Variants in PPIH observed in about 807,000 individuals in gnomAD.
The protein encoded by PPIH is peptidylprolyl isomerase H, also known as peptidyl-prolyl cis-trans isomerase H.
A neutral mutation model predicts 27.6 loss-of-function variants in PPIH; 16 were observed. The ratio of observed to expected loss-of-function variants is 0.58; its 90% CI spans 0.39 to 0.88. The LOEUF is 0.88. PPIH is among the 40% of genes least tolerant of loss of function. The pLI is 0.00. For synonymous variants in PPIH, 63 were observed against 76.1 expected, an observed-to-expected ratio of 0.83 and a Z score of 0.90; for missense variants, 155 against 224.1, an observed-to-expected ratio of 0.69 and a Z score of 1.97.
downstream of PPIH, chr1:42,678,797 A>T (rs182463346): frequency 2.0e-5 from 3 of 152,400 alleles, no homozygotes; most frequent in East Asian, 5.8e-4. Flanking sequence ...TATTTGTTGC[A>T]TGAATGATAG....
rs765805450 is a variant in PPIH, at chr1:42,666,069, T to G, written c.424+2T>G. On this transcript the variant is annotated splice_donor_variant, in intron 7 of 9. Transcript: ENST00000304979. LOFTEE classifies it high-confidence loss of function. ...TGGATGGGAAGCATGTGGTGTTTGG[T>G]AAGTCCTACTCCTGTCTCATGGTCC... 1 of 1,613,660 alleles carries G rather than the reference T, an allele frequency of 6.2e-7. No individual in the cohort carries two copies. Among genetic ancestry groups the G allele is most frequent in the Admixed American group, 1.7e-5 (1 of 60,020 alleles).
At position 42,660,885 on chromosome 1, in the gene PPIH, A is replaced by G; in HGVS notation, c.224A>G (p.Gln75Arg). 1 of 1,610,610 alleles carries G rather than the reference A, an allele frequency of 6.2e-7. No individual in the cohort carries two copies. Among genetic ancestry groups the G allele is most frequent in the Non-Finnish European group, 8.5e-7 (1 of 1,177,766 alleles). The change falls in exon 5 of 10, where the codon CAG becomes CGG. Residue 75 changes from glutamine to arginine, a missense_variant. This residue lies in a region of PPIH where 96 missense variants were observed against 175.3 expected (regional missense o/e 0.55). Transcript: ENST00000304979. Reference sequence around the variant, plus strand: ...AGGGTCATAAAGGATTTCATGATTCAGGGTGGAGATTTTGTTAATGTAAGT... The same window carrying G: ...AGGGTCATAAAGGATTTCATGATTCGGGGTGGAGATTTTGTTAATGTAAGT... The part of the protein sequence containing the change: ...FHRVIKDFMI[Q>R]GGDFVNGDGT...
intron 5 of PPIH, among the ~76,000 whole-genome samples, chr1:42,662,582 C>A (rs1649099762): frequency 6.6e-6 from 1 of 151,704 alleles, no homozygotes; most frequent in Non-Finnish European, 1.5e-5. Context: ...TTGCTTAGAA[C>A]CTTCCTTGGG....
In PPIH at chr1:42,667,333, T is replaced by C. The variant is rs376358058; in HGVS notation, c.466-18T>C. 89 of 1,576,260 alleles carry C rather than the reference T, an allele frequency of 5.6e-5. No homozygotes were observed. Among genetic ancestry groups the C allele is most frequent in the Middle Eastern group, 5.0e-4 (3 of 6,008 alleles). ...AAGTGCCTGAGTGGATGAATCTCCA[T>C]TGTGCTTTTTTTCCTAGAATGTTCC... On this transcript the variant is annotated intron_variant, in intron 8 of 9. Transcript: ENST00000304979.
chr1:42,667,253 G>A (rs2148718177), intron 8 of PPIH, 98 bp from the exon 9 acceptor site: 1 of 1,069,102 alleles, frequency 9.4e-7, no homozygotes, highest in East Asian at 2.5e-5. Flanking sequence ...TCTGAGTGCT[G>A]AGTCCTTAGC....
At chr1:42,671,466 G>A (rs1279970576) in intron 9 of PPIH, among the ~76,000 whole-genome samples, 1 of 152,112 alleles carries the variant, frequency 6.6e-6, no homozygotes, top group Non-Finnish European at 1.5e-5. Context: ...TAAATGTAAA[G>A]AGCCAGTTGT....
intron 9 of PPIH, among the ~76,000 whole-genome samples, chr1:42,668,223 C>A (rs1649446616): frequency 6.6e-6 from 1 of 151,902 alleles, no homozygotes; most frequent in African/African-American, 2.4e-5. Flanking sequence ...GAAGATAATA[C>A]CTTGAACACC....
chr1:42,674,961 G>A (rs989131427), intron 9 of PPIH, among the ~76,000 whole-genome samples: 2 of 152,162 alleles, frequency 1.3e-5, no homozygotes, highest in Admixed American at 6.5e-5. Context: ...CACACGTAGA[G>A]GTTCCATTCT....
rs1421209457 is a variant in PPIH, at chr1:42,659,533, T to C, written c.167T>C (p.Val56Ala). The change falls in exon 4 of 10, where the codon GTT (valine) becomes GCT (alanine). Residue 56 changes from valine to alanine, a missense_variant. By Grantham distance (64) the Val-to-Ala change is moderately conservative. Around this residue, in one of 2 missense-constraint regions of PPIH, gnomAD observed 96 missense variants for 175.3 expected, o/e 0.55. Coordinates refer to ENST00000304979, the MANE Select transcript of PPIH (RefSeq NM_006347.4). ...CTTTTCGGTTATAGGAAAGATGGGG[T>C]TCCAATAGGATACAAAGGAAGCACC... ...FCTGEFRKDG[V>A]PIGYKGSTFH... 6.2e-7 allele frequency: 1 copy of C among 1,614,156 alleles called. No individual in the cohort carries two copies. Among genetic ancestry groups the C allele is most frequent in the East Asian group, 2.2e-5 (1 of 44,882 alleles).
chr1:42,666,404 G>A, intron 7 of PPIH, 143 bp from the exon 8 acceptor site: 1 of 803,866 alleles, frequency 1.2e-6, no homozygotes, highest in Admixed American at 2.2e-5. Flanking sequence ...CTATGACCTT[G>A]AGCAAGTCAT....
At chr1:42,680,739 G>A (rs1326002222), downstream of PPIH, among the ~76,000 whole-genome samples, 1 of 152,158 alleles carries the variant, frequency 6.6e-6, no homozygotes, top group Non-Finnish European at 1.5e-5. Context: ...GAATACAAAT[G>A]GTTTTTAAAA....
At chr1:42,659,406 CTTCT>C (rs747119445) in intron 3 of PPIH, 112 bp from the exon 4 acceptor site, 3 of 1,613,972 alleles carry the variant, frequency 1.9e-6, no homozygotes, top group Non-Finnish European at 2.5e-6. Flanking sequence ...GTTTATTTGC[CTTCT>C]TTATGTCTGT....
At chr1:42,661,513 C>A (rs1199794760) in intron 5 of PPIH, among the ~76,000 whole-genome samples, 1 of 152,120 alleles carries the variant, frequency 6.6e-6, no homozygotes, top group East Asian at 1.9e-4. Context: ...CATATGAAGC[C>A]TCCCTCCCCA....
At chr1:42,678,440 C>G (rs967976580), downstream of PPIH, among the ~76,000 whole-genome samples, 1 of 152,228 alleles carries the variant, frequency 6.6e-6, no homozygotes, top group African/African-American at 2.4e-5. Context: ...CACTCTGTCG[C>G]CCAGGCTGCA....
chr1:42,671,283 C>T (rs1172055254), intron 9 of PPIH, among the ~76,000 whole-genome samples: 1 of 152,072 alleles, frequency 6.6e-6, no homozygotes, highest in Non-Finnish European at 1.5e-5. Context: ...CAAAAATTAG[C>T]CGGGCGTGAT....
Position 42,660,851 on chromosome 1 carries a change from CTCTGTTTCAGGG to C in PPIH, c.201-8_204del. 1.3e-6 allele frequency: 2 copies of C among 1,593,744 alleles called. No homozygotes were observed. The highest frequency in any genetic ancestry group is 1.7e-6 in the Non-Finnish European group (2 of 1,170,476). The stretch of plus-strand genomic sequence containing the variant: ...TAAAATCTTCTCAGTATTCTTTGCT[CTCTGTTTCAGGG>C]TCATAAAGGATTTCATGATTCAGGG... On this transcript the variant is annotated splice_acceptor_variant and splice_polypyrimidine_tract_variant and coding_sequence_variant and intron_variant, in exon 5 of 10. Transcript: ENST00000304979. LOFTEE classifies it high-confidence loss of function.
At chr1:42,669,204 A>G (rs1352153673) in intron 9 of PPIH, among the ~76,000 whole-genome samples, 1 of 151,892 alleles carries the variant, frequency 6.6e-6, no homozygotes, top group Non-Finnish European at 1.5e-5. Context: ...CAAAAAAAAA[A>G]AAAAAAGGAA....
intron 7 of PPIH, 130 bp downstream of exon 7, chr1:42,666,197 A>T: frequency 1.2e-6 from 1 of 867,114 alleles, no homozygotes; most frequent in Non-Finnish European, 1.9e-6. Flanking sequence ...TAGAGAAAAC[A>T]GAAATGGTGG....
At chr1:42,674,222 A>G (rs1481981653) in intron 9 of PPIH, among the ~76,000 whole-genome samples, 1 of 152,248 alleles carries the variant, frequency 6.6e-6, no homozygotes, top group East Asian at 1.9e-4. Context: ...GGTTGAGTAG[A>G]CTACAGAAGA....
Sources: gnomAD v4.1 joint callset for allele counts (sites outside exome capture counted in the v4.1 genomes callset) on GRCh38, gnomAD v4.1.1 for gene constraint, gnomAD v4.1.1 regional missense constraint, MANE v1.5 for transcripts, NCBI Gene and HGNC (gene_info 2026-07-23, HGNC 2026-07-21) for gene names.